The following TENM3 variants were observed in gnomAD, a reference collection of about 807,000 sequenced individuals.
The protein encoded by TENM3 is teneurin transmembrane protein 3.
Under a neutral mutation model 255.1 loss-of-function variants are expected in TENM3, and 63 were observed. The observed-to-expected ratio is 0.25, with a 90% CI of 0.20 to 0.30. The LOEUF is 0.30. Ranked by LOEUF, TENM3 falls within the 10% of genes least tolerant of loss-of-function variation. The probability of loss-of-function intolerance (pLI) is 1.00; values close to 1 mark genes in which losing one functional copy is unlikely to be tolerated. For missense variants in TENM3, 2,929 were observed against 3,461.1 expected, an observed-to-expected ratio of 0.85 and a Z score of 3.86; for synonymous variants, 1,306 against 1,322.3, an observed-to-expected ratio of 0.99 and a Z score of 0.27.
intron 2 of TENM3, among the ~76,000 whole-genome samples, chr4:182,345,615 A>G (rs1200367725): frequency 6.6e-6 from 1 of 152,202 alleles, no homozygotes; most frequent in South Asian, 2.1e-4. Flanking sequence ...AGCTTTATGT[A>G]TGCATGACAA....
chr4:182,680,800 TA>T, intron 10 of TENM3, 63 bp downstream of exon 10: 2 of 1,288,206 alleles, frequency 1.6e-6, no homozygotes, highest in Non-Finnish European at 2.1e-6. Flanking sequence ...ATTGTATCTG[TA>T]ATCTTTAGTT....
the TENM3 span, among the ~76,000 whole-genome samples, chr4:181,553,287 G>A: frequency 0.04 from 5,065 of 127,392 alleles, 226 homozygotes; most frequent in African/African-American, 0.11. Flanking sequence ...GTGTGTGTGT[G>A]TGTGTGTGTG....
intron 1 of TENM3, among the ~76,000 whole-genome samples, chr4:182,160,245 G>A (rs111863359): frequency 0.18 from 26,579 of 149,758 alleles, 2,642 homozygotes; most frequent in East Asian, 0.38. Flanking sequence ...CTCGTGATCC[G>A]CCCGCCTCGG....
chr4:181,978,572 G>A, the TENM3 span, among the ~76,000 whole-genome samples: 2 of 151,588 alleles, frequency 1.3e-5, no homozygotes, highest in African/African-American at 2.4e-5. Flanking sequence ...GGTTGAACCT[G>A]GGAGGTGGAG....
chr4:182,764,150 C>T (rs544529308), intron 22 of TENM3, among the ~76,000 whole-genome samples: 1 of 152,304 alleles, frequency 6.6e-6, no homozygotes, highest in East Asian at 1.9e-4. Context: ...CAAAGGCAAA[C>T]AGATTGACAA....
At chr4:182,329,025 C>T (rs1763593184) in intron 2 of TENM3, among the ~76,000 whole-genome samples, 1 of 152,064 alleles carries the variant, frequency 6.6e-6, no homozygotes, top group Non-Finnish European at 1.5e-5. Flanking sequence ...AACAAAAGGA[C>T]ATTAGAGGAG....
chr4:181,955,074 A>G, the TENM3 span, among the ~76,000 whole-genome samples: 2,437 of 152,310 alleles, frequency 0.016, 66 homozygotes, highest in African/African-American at 0.055. Flanking sequence ...ATTGCAATAA[A>G]TATTACATAA....
In TENM3 at chr4:182,802,207, A is replaced by T. The variant is rs1359344455; in HGVS notation, c.*1856A>T. Reference sequence around the variant, plus strand: ...ATTACTGTCTTTGTGTATTTGGTAGAGCATACCGAAGTAATTAATCTTCTA... The same window carrying T: ...ATTACTGTCTTTGTGTATTTGGTAGTGCATACCGAAGTAATTAATCTTCTA... On this transcript the variant is annotated 3_prime_UTR_variant, in exon 28 of 28. Coordinates refer to ENST00000511685, the MANE Select transcript of TENM3 (RefSeq NM_001080477.4). 1.3e-5 allele frequency: 2 copies of T among 152,670 alleles called. No individual in the cohort carries two copies. Among genetic ancestry groups the T allele is most frequent in the Admixed American group, 6.5e-5 (1 of 15,282 alleles). The allele number at this position is 152,670 out of a possible 1,614,324, so 9.5% of individuals were successfully genotyped here.
intron 3 of TENM3, among the ~76,000 whole-genome samples, chr4:182,533,592 A>G (rs746237852): frequency 2.6e-5 from 4 of 151,780 alleles, no homozygotes; most frequent in Non-Finnish European, 5.9e-5. Flanking sequence ...GTCACCTGGG[A>G]AAATTGTTGT....
chr4:182,445,428 T>C (rs911807174), intron 3 of TENM3, among the ~76,000 whole-genome samples: 2 of 152,214 alleles, frequency 1.3e-5, no homozygotes, highest in Non-Finnish European at 2.9e-5. Context: ...GATTTTGTAT[T>C]AGCACCTCTG....
the TENM3 span, among the ~76,000 whole-genome samples, chr4:182,135,518 G>T: frequency 2.6e-5 from 4 of 152,296 alleles, no homozygotes; most frequent in African/African-American, 9.6e-5. Flanking sequence ...GTTGAATACA[G>T]ACTTGAAGTG....
the TENM3 span, among the ~76,000 whole-genome samples, chr4:181,655,131 G>A: frequency 6.6e-6 from 1 of 152,150 alleles, no homozygotes; most frequent in East Asian, 1.9e-4. Context: ...ATCAACTTCT[G>A]GAATCATCCA....
the TENM3 span, among the ~76,000 whole-genome samples, chr4:181,990,600 A>G: frequency 6.6e-6 from 1 of 152,152 alleles, no homozygotes; most frequent in South Asian, 2.1e-4. Context: ...CACAGGGGAG[A>G]ATTATGTATA....
intron 3 of TENM3, among the ~76,000 whole-genome samples, chr4:182,380,969 G>T (rs943778233): frequency 6.6e-6 from 1 of 152,214 alleles, no homozygotes; most frequent in Non-Finnish European, 1.5e-5. Flanking sequence ...TGCAAGGGTG[G>T]TCTGGCTTAT....
chr4:182,601,910 CA>C (rs1314431323), intron 4 of TENM3, among the ~76,000 whole-genome samples: 1 of 152,204 alleles, frequency 6.6e-6, no homozygotes, highest in Non-Finnish European at 1.5e-5. Flanking sequence ...GAGGCTTCAG[CA>C]GTTTAATGGT....
intron 3 of TENM3, among the ~76,000 whole-genome samples, chr4:182,419,364 G>T (rs939016599): frequency 1.3e-5 from 2 of 152,140 alleles, no homozygotes; most frequent in Middle Eastern, 3.2e-3. Flanking sequence ...AAAAAGTCAG[G>T]AAACAACAGG....
chr4:182,503,512 C>A (rs187527973), intron 3 of TENM3, among the ~76,000 whole-genome samples: 1 of 152,064 alleles, frequency 6.6e-6, no homozygotes, highest in East Asian at 1.9e-4. Flanking sequence ...TTTTTTCTGC[C>A]CCAAGTAACA....
chr4:181,833,097 G>T, the TENM3 span, among the ~76,000 whole-genome samples: 2 of 152,152 alleles, frequency 1.3e-5, no homozygotes, highest in African/African-American at 4.8e-5. Flanking sequence ...TGAAAGAACT[G>T]AGAATGCGTA....
chr4:181,888,139 C>T, the TENM3 span, among the ~76,000 whole-genome samples: 3 of 152,048 alleles, frequency 2.0e-5, no homozygotes, highest in Admixed American at 6.5e-5. Context: ...AAGCGATTCT[C>T]ATGCTTCAGC....
Sources: gnomAD v4.1 joint callset for allele counts (sites outside exome capture counted in the v4.1 genomes callset) on GRCh38, gnomAD v4.1.1 for gene constraint, MANE v1.5 for transcripts, NCBI Gene and HGNC (gene_info 2026-07-23, HGNC 2026-07-21) for gene names.